The following EFCAB5 variants were observed in gnomAD, a reference collection of about 807,000 sequenced individuals.
The protein encoded by EFCAB5 is EF-hand calcium binding domain 5.
A neutral mutation model predicts 167.9 loss-of-function variants in EFCAB5; 131 were observed. The observed-to-expected ratio is 0.78, with a 90% CI of 0.68 to 0.90. EFCAB5 has a LOEUF of 0.90. Among genes scored for constraint, EFCAB5 ranks in the 40% least tolerant of loss-of-function variants. The pLI, the probability that EFCAB5 is intolerant of heterozygous loss-of-function variation, is 0.00. For missense variants in EFCAB5, 1,663 were observed against 1,745.2 expected, an observed-to-expected ratio of 0.95 and a Z score of 0.84; for synonymous variants, 574 against 602.8, an observed-to-expected ratio of 0.95 and a Z score of 0.70.
intron 3 of EFCAB5, among the ~76,000 whole-genome samples, chr17:29,946,911 C>T (rs2067413062): frequency 6.6e-6 from 1 of 152,052 alleles, no homozygotes; most frequent in Non-Finnish European, 1.5e-5. Flanking sequence ...ACCTAAGTGC[C>T]CACCAACCAA....
chr17:29,999,198 T>G (rs184972723), intron 6 of EFCAB5, among the ~76,000 whole-genome samples: 6 of 152,214 alleles, frequency 3.9e-5, no homozygotes, highest in Non-Finnish European at 7.4e-5. Flanking sequence ...CATTACGAAC[T>G]TTCCCTGAGC....
chr17:30,070,866 C>G (rs2070714127), intron 14 of EFCAB5, among the ~76,000 whole-genome samples: 1 of 135,328 alleles, frequency 7.4e-6, no homozygotes, highest in Non-Finnish European at 1.5e-5. Context: ...AGGAAAATTG[C>G]TTAAACCCAG....
chr17:30,070,623 T>C (rs1317589877), intron 14 of EFCAB5, among the ~76,000 whole-genome samples: 2 of 151,952 alleles, frequency 1.3e-5, no homozygotes, highest in East Asian at 3.9e-4. Flanking sequence ...CTGGGGAAAT[T>C]GGATGTTCAT....
chr17:29,993,434 G>A, intron 5 of EFCAB5, 113 bp downstream of exon 5: 1 of 1,135,688 alleles, frequency 8.8e-7, no homozygotes, highest in South Asian at 2.1e-5. Context: ...CAGTATTGCT[G>A]AGGTAAGTCT....
chr17:30,041,432 G>C (rs1172742558), intron 8 of EFCAB5, among the ~76,000 whole-genome samples: 1 of 152,194 alleles, frequency 6.6e-6, no homozygotes, highest in African/African-American at 2.4e-5. Flanking sequence ...CTGCAGATGT[G>C]ACTGAATTGC....
intron 4 of EFCAB5, among the ~76,000 whole-genome samples, chr17:29,971,367 C>T (rs1054467826): frequency 4.6e-5 from 7 of 152,112 alleles, no homozygotes; most frequent in African/African-American, 1.7e-4. Flanking sequence ...AATTTTTATA[C>T]TAATATCCTA....
intron 7 of EFCAB5, among the ~76,000 whole-genome samples, chr17:30,022,988 C>A (rs1194620246): frequency 6.6e-6 from 1 of 151,694 alleles, no homozygotes; most frequent in Non-Finnish European, 1.5e-5. Flanking sequence ...CCAACGAGAA[C>A]AAAGACACAA....
At chr17:29,938,950 A>G (rs1368632455), upstream of EFCAB5, among the ~76,000 whole-genome samples, 1 of 152,208 alleles carries the variant, frequency 6.6e-6, no homozygotes, top group African/African-American at 2.4e-5. Flanking sequence ...TCTTAATGAC[A>G]TCTAGAATGG....
chr17:29,973,621 G>A (rs2068004549), intron 4 of EFCAB5, among the ~76,000 whole-genome samples: 1 of 146,482 alleles, frequency 6.8e-6, no homozygotes, highest in Non-Finnish European at 1.5e-5. Context: ...GGGATTACAG[G>A]CACCCGCCAC....
chr17:30,049,234 T>G (rs1355343305), intron 8 of EFCAB5, among the ~76,000 whole-genome samples: 1 of 151,938 alleles, frequency 6.6e-6, no homozygotes, highest in Non-Finnish European at 1.5e-5. Context: ...TTAAAATTTT[T>G]GCTTTGGGAG....
At chr17:29,975,903 A>G (rs968520808) in intron 4 of EFCAB5, among the ~76,000 whole-genome samples, 1 of 152,188 alleles carries the variant, frequency 6.6e-6, no homozygotes, top group African/African-American at 2.4e-5. Context: ...TTATTATTGC[A>G]CACTAAAGTT....
intron 7 of EFCAB5, among the ~76,000 whole-genome samples, chr17:30,008,586 T>C (rs1328223376): frequency 6.6e-6 from 1 of 150,572 alleles, no homozygotes; most frequent in Non-Finnish European, 1.5e-5. Context: ...CAAGACTCCA[T>C]CTCAAAAAAA....
intron 4 of EFCAB5, among the ~76,000 whole-genome samples, chr17:29,978,069 T>C (rs2068097726): frequency 1.3e-5 from 2 of 152,212 alleles, no homozygotes; most frequent in Non-Finnish European, 2.9e-5. Flanking sequence ...ATCCTTGATA[T>C]GGGTCTTCCT....
chr17:30,024,943 C>T (rs2069277798), intron 7 of EFCAB5, among the ~76,000 whole-genome samples: 2 of 151,134 alleles, frequency 1.3e-5, no homozygotes, highest in African/African-American at 4.8e-5. Flanking sequence ...AAAGGATTCC[C>T]TATTTAATCA....
chr17:30,032,325 C>T (rs1214182186), intron 7 of EFCAB5, among the ~76,000 whole-genome samples: 1 of 152,184 alleles, frequency 6.6e-6, no homozygotes, highest in African/African-American at 2.4e-5. Context: ...CCGGCAGTCT[C>T]AGTTCACATG....
chr17:30,073,905 A>T (rs2070809191), intron 14 of EFCAB5: 7 of 297,604 alleles, frequency 2.4e-5, no homozygotes, highest in Non-Finnish European at 4.4e-5. Flanking sequence ...TAAAAAAAAT[A>T]AATAAAAGAT....
chr17:29,969,024 G>C lies in EFCAB5; in HGVS notation c.424G>C (p.Glu142Gln). 6.3e-7 allele frequency: 1 copy of C among 1,594,270 alleles called. No homozygotes were observed. Among genetic ancestry groups the C allele is most frequent in the Non-Finnish European group, 8.5e-7 (1 of 1,171,898 alleles). Residue 142 changes from glutamate (E) to glutamine (Q), a missense_variant, in exon 4 of 23, where the codon GAA (glutamate) becomes CAA (glutamine). By Grantham distance (29) the Glu-to-Gln change is conservative. Transcript: ENST00000394835. ...KIIDKENLKK[E>Q]LEKKAEKKLP... ...AATAGATAAGGAAAATCTGAAGAAGGAACTAGAAAAAAAGGCTGAAAAAAA... is the reference window on the plus strand; with the variant it reads ...AATAGATAAGGAAAATCTGAAGAAGCAACTAGAAAAAAAGGCTGAAAAAAA...
chr17:30,081,949 C>A (rs73274838), intron 17 of EFCAB5, among the ~76,000 whole-genome samples: 1 of 152,106 alleles, frequency 6.6e-6, no homozygotes, highest in Non-Finnish European at 1.5e-5. Flanking sequence ...TTCTGGGTTA[C>A]CCTTAGATGC....
At chr17:30,028,540 C>T (rs1408460969) in intron 7 of EFCAB5, among the ~76,000 whole-genome samples, 2 of 152,014 alleles carry the variant, frequency 1.3e-5, no homozygotes, top group East Asian at 3.9e-4. Context: ...AATTTTAAGC[C>T]GGGAAAATAG....
Sources: allele counts gnomAD v4.1 joint callset (sites outside exome capture counted in the v4.1 genomes callset), GRCh38; gene constraint gnomAD v4.1.1; transcripts MANE v1.5; gene names NCBI Gene and HGNC (gene_info 2026-07-23, HGNC 2026-07-21).